Variants in TCF25 observed in about 807,000 individuals in gnomAD.
TCF25 encodes the protein TCF25 ribosome quality control complex subunit.
In TCF25, 41 loss-of-function variants were observed where a neutral mutation model predicts 83.1. The ratio of observed to expected loss-of-function variants is 0.49; its 90% confidence interval spans 0.38 to 0.64. The LOEUF (loss-of-function observed/expected upper bound fraction) is 0.64. Ranked by LOEUF, TCF25 falls within the 30% of genes least tolerant of loss-of-function variation. The pLI is 0.00. For missense variants in TCF25, 979 were observed against 914.5 expected (o/e 1.07, Z -0.91); for synonymous variants, 458 against 365.0 (o/e 1.25, Z -2.90).
chr16:89,892,223 G>C lies in TCF25; in HGVS notation c.645G>C (p.Lys215Asn). 1 of 1,612,730 alleles carries C rather than the reference G, an allele frequency of 6.2e-7. No homozygotes were observed. Among genetic ancestry groups the C allele is most frequent in the East Asian group, 2.2e-5 (1 of 44,772 alleles). ...GGCAGAGACAACGTGTGTACCCCAA[G>C]TGCACATGGCTGACCACCCCTAAAA... The part of the protein sequence containing the change: ...RPRQRQRVYP[K>N]CTWLTTPKST... The change falls in exon 6 of 18, where the codon AAG (lysine) becomes AAC (asparagine). Residue 215 changes from lysine to asparagine, a missense_variant. Coordinates refer to ENST00000263346, the MANE Select transcript of TCF25 (RefSeq NM_014972.3).
At chr16:89,907,606 GCTCCCAC>G (rs2044990039) in intron 16 of TCF25, among the ~76,000 whole-genome samples, 3 of 88,378 alleles carry the variant, frequency 3.4e-5, no homozygotes, top group Non-Finnish European at 6.9e-5. Flanking sequence ...CCACCTCCCA[GCTCCCAC>G]CTCCCAGCTC....
At chr16:89,877,015 T>C (rs1034759768) in intron 1 of TCF25, among the ~76,000 whole-genome samples, 1 of 150,998 alleles carries the variant, frequency 6.6e-6, no homozygotes, top group African/African-American at 2.4e-5. Context: ...GGCAGGAGAA[T>C]TGCTTGAACC....
intron 13 of TCF25, 125 bp from the exon 14 acceptor site, chr16:89,904,813 C>T (rs762750601): frequency 2.4e-4 from 286 of 1,213,738 alleles, no homozygotes; most frequent in Non-Finnish European, 3.3e-4. Context: ...CCAGGGGCCT[C>T]CTTTCACTCC....
intron 9 of TCF25, among the ~76,000 whole-genome samples, chr16:89,896,959 C>T (rs896499335): frequency 2.6e-5 from 4 of 151,356 alleles, no homozygotes; most frequent in Admixed American, 6.6e-5. Context: ...CCCAGGAGGT[C>T]GAGGCTGCAG....
chr16:89,903,496 C>T (rs2044516612), intron 12 of TCF25, among the ~76,000 whole-genome samples: 1 of 152,004 alleles, frequency 6.6e-6, no homozygotes, highest in Admixed American at 6.5e-5. Flanking sequence ...CACGGTGAAA[C>T]CCTTTCTCTA....
At chr16:89,889,125 G>A (rs1386983324) in intron 5 of TCF25, 1 of 298,972 alleles carries the variant, frequency 3.3e-6, no homozygotes, top group East Asian at 1.2e-4. Flanking sequence ...CTGCTTCTGG[G>A]ACTTTATGTA....
chr16:89,892,483 G>A (rs12927460), intron 6 of TCF25, among the ~76,000 whole-genome samples: 1 of 152,162 alleles, frequency 6.6e-6, no homozygotes, highest in Admixed American at 6.5e-5. Flanking sequence ...AGCGCTCCAG[G>A]AGTGTGCAGT....
intron 5 of TCF25, among the ~76,000 whole-genome samples, chr16:89,888,951 T>G (rs1292750927): frequency 1.3e-5 from 2 of 149,510 alleles, no homozygotes; most frequent in African/African-American, 4.9e-5. Flanking sequence ...CCTCCCAAAG[T>G]GCTGGGATTA....
intron 5 of TCF25, chr16:89,890,292 A>G (rs948447861): frequency 6.6e-6 from 1 of 152,318 alleles, no homozygotes; most frequent in African/African-American, 2.4e-5. Context: ...TGTTGGCTAC[A>G]GTCCCCGGTG....
intron 7 of TCF25, among the ~76,000 whole-genome samples, chr16:89,894,481 A>G (rs189643102): frequency 6.6e-6 from 1 of 152,290 alleles, no homozygotes; most frequent in African/African-American, 2.4e-5. Flanking sequence ...CTGTGGGAAA[A>G]GCAGGCTGCT....
intron 16 of TCF25, 141 bp from the exon 17 acceptor site, chr16:89,910,450 C>T: frequency 1.3e-6 from 1 of 784,900 alleles, no homozygotes; most frequent in Non-Finnish European, 2.1e-6. Context: ...AGGGCCTGTG[C>T]TCAGCTGCTG....
chr16:89,873,663 G>C lies in TCF25; in HGVS notation c.-5G>C, dbSNP rs777265841. The C allele has an allele frequency of 5.9e-5, 94 of 1,596,216 alleles. No homozygotes were observed. Among genetic ancestry groups the C allele is most frequent in the Non-Finnish European group, 7.6e-5 (89 of 1,174,638 alleles). ...TCTCTCCAGACGTCGTGGTCGTTCGGTCCTATGTCGCGCCGGGCCCTCCGG... is the reference window on the plus strand; with the variant it reads ...TCTCTCCAGACGTCGTGGTCGTTCGCTCCTATGTCGCGCCGGGCCCTCCGG... On this transcript the variant is annotated 5_prime_UTR_variant, in exon 1 of 18. Coordinates refer to ENST00000263346, the MANE Select transcript of TCF25 (RefSeq NM_014972.3).
chr16:89,875,232 A>C (rs1173773874), intron 1 of TCF25, among the ~76,000 whole-genome samples: 1 of 152,122 alleles, frequency 6.6e-6, no homozygotes, highest in Non-Finnish European at 1.5e-5. Context: ...TTTATTTTAC[A>C]CTTCTTTGGT....
rs2144358373 is a variant in TCF25, at chr16:89,910,600, T to C, written c.1809T>C (p.Pro603=). ...YSYVRPERLS[P]ISHGNTIALF... ...CTTGACTTTCTTTCAGGCTAAGTCCTATCAGCCATGGAAACACCATTGCTC... is the reference window on the plus strand; with the variant it reads ...CTTGACTTTCTTTCAGGCTAAGTCCCATCAGCCATGGAAACACCATTGCTC... The change falls in exon 17 of 18, where the codon CCT becomes CCC. Residue 603 remains proline (P), a synonymous_variant. Transcript: ENST00000263346. 1 of 1,613,688 alleles carries C rather than the reference T, an allele frequency of 6.2e-7. No individual in the cohort carries two copies.
At chr16:89,911,036 C>G in intron 17 of TCF25, 44 bp from the exon 18 acceptor site, 4 of 1,605,510 alleles carry the variant, frequency 2.5e-6, no homozygotes, top group Non-Finnish European at 3.4e-6. Context: ...GCCCCTAGTC[C>G]CAGCACAGAC....
chr16:89,896,678 C>T (rs941057055), intron 9 of TCF25, among the ~76,000 whole-genome samples: 6 of 151,824 alleles, frequency 4.0e-5, no homozygotes, highest in African/African-American at 9.7e-5. Context: ...CTCAGGCTCC[C>T]GAGTAGCTGG....
rs375769919 is a variant in TCF25, at chr16:89,898,613, C to T, written c.1079C>T (p.Pro360Leu). The T allele has an allele frequency of 9.9e-6, 16 of 1,612,658 alleles. No homozygotes were observed. Among genetic ancestry groups the T allele is most frequent in the Middle Eastern group, 1.6e-4 (1 of 6,062 alleles). Residue 360 changes from proline (P) to leucine (L), a missense_variant, in exon 10 of 18, where the codon CCG (proline) becomes CTG (leucine). Pro to Leu is a moderately conservative substitution (Grantham distance 98). Transcript: ENST00000263346. Reference sequence around the variant, plus strand: ...AGCTTCCTGGAGAAGCGAGGCTGCCCGCGCACGGCGCTGGAGTACTGCAAG... The same window carrying T: ...AGCTTCCTGGAGAAGCGAGGCTGCCTGCGCACGGCGCTGGAGTACTGCAAG... ...QMSFLEKRGCPRTALEYCKLI... is the reference protein window; with the variant it reads ...QMSFLEKRGCLRTALEYCKLI...
chr16:89,884,693 G>A, intron 3 of TCF25, 37 bp downstream of exon 3: 1 of 1,596,182 alleles, frequency 6.3e-7, no homozygotes, highest in Non-Finnish European at 8.5e-7. Flanking sequence ...CTGTCCCTCT[G>A]CCTGACGCCC....
chr16:89,889,279 G>A (rs1283570588), intron 5 of TCF25: 1 of 389,680 alleles, frequency 2.6e-6, no homozygotes, highest in Non-Finnish European at 5.0e-6. Flanking sequence ...GTGGCCTCAA[G>A]TGATCCTCCC....
Sources: allele counts gnomAD v4.1 joint callset (sites outside exome capture counted in the v4.1 genomes callset), GRCh38; gene constraint gnomAD v4.1.1; transcripts MANE v1.5; gene names NCBI Gene and HGNC (gene_info 2026-07-23, HGNC 2026-07-21).